The following VSTM2B variants were observed in gnomAD, a reference collection of about 807,000 sequenced individuals.
VSTM2B encodes the protein V-set and transmembrane domain containing 2B.
Under a neutral mutation model 24.0 loss-of-function variants are expected in VSTM2B, and 24 were observed. The ratio of observed to expected loss-of-function variants is 1.00; its 90% confidence interval spans 0.72 to 1.40. The LOEUF (loss-of-function observed/expected upper bound fraction) is 1.40. VSTM2B is among the 40% of genes most tolerant of loss of function. VSTM2B has a pLI of 0.00. For synonymous variants in VSTM2B, 226 were observed against 194.4 expected (o/e 1.16, Z -1.35); for missense variants, 399 against 416.4 (o/e 0.96, Z 0.36).
In VSTM2B at chr19:29,526,048, T is replaced by C. The variant is rs1599870922; in HGVS notation, c.-536T>C. ...CGGACCCGCTCTCCCCGCGCTGCGC[T>C]GGGTCGGACGCCAGGTCTGCGCGCC... On this transcript the variant is annotated 5_prime_UTR_variant, in exon 1 of 5. Coordinates refer to ENST00000335523, the MANE Select transcript of VSTM2B (RefSeq NM_001146339.2). This position sits in a 1 kb window ranked among gnomAD's most constrained non-coding sequence, Gnocchi z 4.1. Among the ~76,000 whole-genome samples the C allele has an allele frequency of 1.3e-5, 2 of 151,072 alleles. No individual in the cohort carries two copies. The highest frequency in any genetic ancestry group is 4.2e-4 in the South Asian group (2 of 4,796).
rs140468276 is a variant in VSTM2B, at chr19:29,532,455, G to A, written c.769+2165G>A. Among the ~76,000 whole-genome samples, 679 of 152,304 alleles carry A rather than the reference G, an allele frequency of 4.5e-3. 9 individuals carry two copies. Among genetic ancestry groups the A allele is most frequent in the African/African-American group, 0.016 (648 of 41,554 alleles). On this transcript the variant is annotated intron_variant, in intron 4 of 4. Transcript: ENST00000335523. ...GACTTACAGAGCCATTGGCTTAACT[G>A]ATGCTTGTTGGTGAAGAGAACATCC...
In VSTM2B at chr19:29,544,505, G is replaced by A. The variant is rs1006280141; in HGVS notation, c.769+14215G>A. The stretch of plus-strand genomic sequence containing the variant: ...CGCGCCACTGCACTCCAGCCTGGGC[G>A]AAAGAGCGAGACTCTGTCTCAAAAA... On this transcript the variant is annotated intron_variant, in intron 4 of 4. Transcript: ENST00000335523. 5.7e-4 allele frequency among the ~76,000 whole-genome samples: 66 copies of A among 115,852 alleles called. No individual in the cohort carries two copies. The East Asian group carries it at 0.012, about 22-fold the overall frequency. The allele number at this position is 115,852 out of a possible 152,430, so 76.0% of individuals were successfully genotyped here. A position where few individuals can be genotyped will look rare whatever the true frequency, so the allele number is the denominator to read the frequency against.
At chr19:29,528,366 C>T (rs574792886) in intron 2 of VSTM2B, 67 bp from the exon 3 acceptor site, 2 of 1,547,748 alleles carry the variant, frequency 1.3e-6, no homozygotes, top group African/African-American at 1.4e-5. Context: ...TGCCTAAAGG[C>T]GGATCCGAGT....
intron 4 of VSTM2B, among the ~76,000 whole-genome samples, chr19:29,549,685 A>C (rs1181540705): frequency 2.0e-5 from 3 of 152,124 alleles, no homozygotes; most frequent in Non-Finnish European, 4.4e-5. Context: ...TGGACCATAT[A>C]TGTCTCCCCA....
chr19:29,543,047 C>T (rs753837001), intron 4 of VSTM2B, among the ~76,000 whole-genome samples: 9 of 152,276 alleles, frequency 5.9e-5, no homozygotes, highest in Non-Finnish European at 1.0e-4. Context: ...ACAGGAGCAG[C>T]GGACCTCCTC....
intron 2 of VSTM2B, 28 bp from the exon 3 acceptor site, chr19:29,528,405 C>T (rs373947054): frequency 1.3e-6 from 2 of 1,551,020 alleles, no homozygotes; most frequent in Admixed American, 2.0e-5. Context: ...GCGAGCCTCA[C>T]GTCTCTCTCT....
At chr19:29,535,807 G>C (rs986822926) in intron 4 of VSTM2B, among the ~76,000 whole-genome samples, 2 of 152,080 alleles carry the variant, frequency 1.3e-5, no homozygotes, top group Non-Finnish European at 2.9e-5. Context: ...AGGACCTGTG[G>C]GCCCTGAGCA....
chr19:29,527,431 G>C (rs1431351447), intron 2 of VSTM2B, 36 bp downstream of exon 2: 21 of 1,429,074 alleles, frequency 1.5e-5, no homozygotes, highest in Non-Finnish European at 1.9e-5. Flanking sequence ...GCGCGCGCCC[G>C]GCTCGCGCCC....
In VSTM2B at chr19:29,526,203, C is replaced by CG. The variant is rs1410037304; in HGVS notation, c.-380dup. Among the ~76,000 whole-genome samples, 1 of 152,042 alleles carries CG rather than the reference C, an allele frequency of 6.6e-6. No individual in the cohort carries two copies. Among genetic ancestry groups the CG allele is most frequent in the East Asian group, 1.9e-4 (1 of 5,168 alleles). ...ACAGGGAGGCAGAAGCTCGCGGCTC[C>CG]GTGGCACGCACTCCCTCGGCCAGGG... On this transcript the variant is annotated 5_prime_UTR_variant, in exon 1 of 5. Transcript: ENST00000335523. The surrounding 1 kb of genome is among the most constrained non-coding windows in gnomAD (Gnocchi z 4.1).
chr19:29,563,947 AC>A lies in VSTM2B; in HGVS notation c.*16del. ...CTTGGGACATTGACAGACAAGACCA[AC>A]CCGAGCATCTCAGAGGCCGCACATG... On this transcript the variant is annotated 3_prime_UTR_variant, in exon 5 of 5. Transcript: ENST00000335523. 6.4e-7 allele frequency: 1 copy of A among 1,551,928 alleles called. No individual in the cohort carries two copies. The highest frequency in any genetic ancestry group is 8.7e-7 in the Non-Finnish European group (1 of 1,146,810).
chr19:29,559,859 CA>C (rs1970489021), intron 4 of VSTM2B, among the ~76,000 whole-genome samples: 1 of 152,210 alleles, frequency 6.6e-6, no homozygotes, highest in African/African-American at 2.4e-5. Flanking sequence ...CCCCAAAACT[CA>C]ATGGCTTTGG....
intron 4 of VSTM2B, among the ~76,000 whole-genome samples, chr19:29,558,627 A>G (rs59936901): frequency 0.083 from 12,594 of 152,236 alleles, 619 homozygotes; most frequent in East Asian, 0.18. Flanking sequence ...ACCAAACACC[A>G]CATGTTATTA....
At chr19:29,539,208 C>T (rs1244885869) in intron 4 of VSTM2B, among the ~76,000 whole-genome samples, 33 of 152,246 alleles carry the variant, frequency 2.2e-4, no homozygotes, top group East Asian at 3.9e-4. Context: ...CAGGTTTGCC[C>T]ACGTGCCGAG....
intron 4 of VSTM2B, among the ~76,000 whole-genome samples, chr19:29,533,753 G>T (rs982925863): frequency 1.3e-5 from 2 of 152,216 alleles, no homozygotes; most frequent in Non-Finnish European, 2.9e-5. Flanking sequence ...TTTGGAGGAT[G>T]GGCATTAGTA....
Position 29,526,572 on chromosome 19 carries a change from C to T in VSTM2B, c.-12C>T, listed in dbSNP as rs1208656997. On this transcript the variant is annotated 5_prime_UTR_variant, in exon 1 of 5. Transcript: ENST00000335523. The surrounding 1 kb of genome is among the most constrained non-coding windows in gnomAD (Gnocchi z 4.1). ...TCCCGGGCCCCCGCCGCCACCGCGC[C>T]CCCCGCGGGAGATGGAACAGCGGAA... is the stretch of plus-strand genomic sequence containing the variant. 1.3e-6 allele frequency: 2 copies of T among 1,504,462 alleles called. No homozygotes were observed. The highest frequency in any genetic ancestry group is 2.5e-5 in the South Asian group (2 of 80,728). The allele number at this position is 1,504,462 out of a possible 1,614,324, so 93.2% of individuals were successfully genotyped here.
At chr19:29,554,085 T>C (rs1970351589) in intron 4 of VSTM2B, among the ~76,000 whole-genome samples, 1 of 152,072 alleles carries the variant, frequency 6.6e-6, no homozygotes, top group Non-Finnish European at 1.5e-5. Flanking sequence ...CCCAGAAAGA[T>C]ACTCCATGAG....
chr19:29,530,699 C>A (rs929324469), intron 4 of VSTM2B, among the ~76,000 whole-genome samples: 4 of 152,162 alleles, frequency 2.6e-5, no homozygotes, highest in Non-Finnish European at 4.4e-5. Context: ...GCACTGGCAC[C>A]TGCTGGAGAG....
rs1470355734 is a variant in VSTM2B at position 29,563,947 on chromosome 19, A to G, written c.*13A>G. The G allele has an allele frequency of 1.9e-6, 3 of 1,551,928 alleles. No individual in the cohort carries two copies. Among genetic ancestry groups the G allele is most frequent in the Non-Finnish European group, 2.6e-6 (3 of 1,146,810 alleles). Reference sequence around the variant, plus strand: ...CTTGGGACATTGACAGACAAGACCAACCCGAGCATCTCAGAGGCCGCACAT... The same window carrying G: ...CTTGGGACATTGACAGACAAGACCAGCCCGAGCATCTCAGAGGCCGCACAT... On this transcript the variant is annotated 3_prime_UTR_variant, in exon 5 of 5. Coordinates refer to ENST00000335523, the MANE Select transcript of VSTM2B (RefSeq NM_001146339.2).
intron 4 of VSTM2B, among the ~76,000 whole-genome samples, chr19:29,562,377 A>G (rs963880867): frequency 8.5e-5 from 13 of 152,192 alleles, no homozygotes; most frequent in Non-Finnish European, 7.3e-5. Flanking sequence ...GGAAGCCTCA[A>G]GTCTCTGTTT....
Sources: gnomAD v4.1 joint callset for allele counts (sites outside exome capture counted in the v4.1 genomes callset) on GRCh38, gnomAD v4.1.1 for gene constraint, Gnocchi (gnomAD v3.1) non-coding constraint, MANE v1.5 for transcripts, NCBI Gene and HGNC (gene_info 2026-07-23, HGNC 2026-07-21) for gene names.